C19orf12: variants seen among roughly 807,000 people sequenced by gnomAD.
The protein encoded by C19orf12 is protein C19orf12.
A neutral mutation model predicts 3.8 loss-of-function variants in C19orf12; 2 were observed. That is an observed-to-expected ratio of 0.53 (90% CI 0.22 to 1.66). The LOEUF (loss-of-function observed/expected upper bound fraction) is 1.66. Among genes scored for constraint, C19orf12 ranks in the 40% most tolerant of loss-of-function variants. The pLI, the probability that C19orf12 is intolerant of heterozygous loss-of-function variation, is 0.20. For synonymous variants in C19orf12, 89 were observed against 84.6 expected (o/e 1.05, Z -0.28); for missense variants, 156 against 188.8 (o/e 0.83, Z 1.02).
chr19:29,715,084 G>C (rs1273368218), intron 1 of C19orf12, 41 bp downstream of exon 1: 2 of 597,540 alleles, frequency 3.3e-6, no homozygotes, highest in East Asian at 6.6e-5. Flanking sequence ...GCGGGGCGCG[G>C]CCTGGGAGGC....
At position 29,702,572 on chromosome 19, in the gene C19orf12, C is replaced by T; in HGVS notation, c.*140G>A. 2 of 1,178,764 alleles carry T rather than the reference C, an allele frequency of 1.7e-6. No homozygotes were observed. Among genetic ancestry groups the T allele is most frequent in the Admixed American group, 1.7e-5 (1 of 58,348 alleles). The allele number at this position is 1,178,764 out of a possible 1,614,324, so 73.0% of individuals were successfully genotyped here. A position where few individuals can be genotyped will look rare whatever the true frequency, so the allele number is the denominator to read the frequency against. On this transcript the variant is annotated 3_prime_UTR_variant, in exon 3 of 3. Transcript: ENST00000323670. ...TGACACTGCACAGCGGTGGCCTCTCCAGCGGGACATTACTAGTAATACACT... is the reference window on the plus strand; with the variant it reads ...TGACACTGCACAGCGGTGGCCTCTCTAGCGGGACATTACTAGTAATACACT...
rs1972143567 is a variant in C19orf12, at chr19:29,702,492, C to A, written c.*220G>T. ...GGGGCCAGTCAGAGGGCTGTCATGG[C>A]AGGCCAGTGCACATGCCACCAACAC... On this transcript the variant is annotated 3_prime_UTR_variant, in exon 3 of 3. Coordinates refer to ENST00000323670, the MANE Select transcript of C19orf12 (RefSeq NM_031448.6). 1 of 731,122 alleles carries A rather than the reference C, an allele frequency of 1.4e-6. No homozygotes were observed. The highest frequency in any genetic ancestry group is 2.4e-6 in the Non-Finnish European group (1 of 415,330). The allele number at this position is 731,122 out of a possible 1,614,324, so 45.3% of individuals were successfully genotyped here. A position where few individuals can be genotyped will look rare whatever the true frequency, so the allele number is the denominator to read the frequency against.
At chr19:29,707,785 T>G (rs12974759) in intron 2 of C19orf12, among the ~76,000 whole-genome samples, 25,159 of 152,092 alleles carry the variant, frequency 0.17, 2,330 homozygotes, top group East Asian at 0.29. Context: ...GAGGCATCTT[T>G]AACTCCACCA....
chr19:29,712,043 C>T (rs772986778), intron 1 of C19orf12, among the ~76,000 whole-genome samples: 9 of 152,166 alleles, frequency 5.9e-5, no homozygotes, highest in Non-Finnish European at 1.5e-5. Flanking sequence ...ACACAGAAAG[C>T]GGGTCCCCTG....
chr19:29,711,275 G>T (rs138327526), intron 1 of C19orf12, among the ~76,000 whole-genome samples: 1 of 152,128 alleles, frequency 6.6e-6, no homozygotes, highest in Admixed American at 6.5e-5. Flanking sequence ...CCTGGCCTCA[G>T]GTGATCTGCC....
At position 29,715,115 on chromosome 19, in the gene C19orf12, G is replaced by A. The variant is rs1338289819; in HGVS notation, c.-11+10C>T. ...GAGGCGCCCCGCCCCGGCTCCGGGC[G>A]CTCCTTTACCTGGGGGAGCGGAGGT... is the stretch of plus-strand genomic sequence containing the variant. On this transcript the variant is annotated intron_variant, in intron 1 of 2. Coordinates refer to ENST00000323670, the MANE Select transcript of C19orf12 (RefSeq NM_031448.6). 3 of 607,420 alleles carry A rather than the reference G, an allele frequency of 4.9e-6. No homozygotes were observed. Among genetic ancestry groups the A allele is most frequent in the African/African-American group, 3.9e-5 (2 of 50,892 alleles). 37.6% of individuals were successfully genotyped at this position (607,420 alleles called of 1,614,324 possible).
chr19:29,714,815 A>ACCCCCCCCCC, intron 1 of C19orf12: 4 of 146,400 alleles, frequency 2.7e-5, no homozygotes, highest in Non-Finnish European at 4.2e-5. Flanking sequence ...CACCACCCGC[A>ACCCCCCCCCC]CCCCACCCCC....
Position 29,698,953 on chromosome 19 carries a change from A to G in C19orf12, c.*3759T>C. 1 of 452,422 alleles carries G rather than the reference A, an allele frequency of 2.2e-6. No individual in the cohort carries two copies. Among genetic ancestry groups the G allele is most frequent in the South Asian group, 1.6e-5 (1 of 63,996 alleles). The allele number at this position is 452,422 out of a possible 1,614,324, so 28.0% of individuals were successfully genotyped here. On this transcript the variant is annotated 3_prime_UTR_variant, in exon 3 of 3. Coordinates refer to ENST00000323670, the MANE Select transcript of C19orf12 (RefSeq NM_031448.6). ...AAGACTATATACCAGAATTCAATAA[A>G]GAGAATATTAACACAGTATTACTGT...
In C19orf12 at chr19:29,701,366, C is replaced by T. The variant is rs1360184172; in HGVS notation, c.*1346G>A. The T allele has an allele frequency of 2.2e-6, 1 of 454,018 alleles. No individual in the cohort carries two copies. Among genetic ancestry groups the T allele is most frequent in the Non-Finnish European group, 4.4e-6 (1 of 226,804 alleles). 28.1% of individuals were successfully genotyped at this position (454,018 alleles called of 1,614,324 possible). On this transcript the variant is annotated 3_prime_UTR_variant, in exon 3 of 3. Transcript: ENST00000323670. ...GCGTTTGCACGTAACCTACGCACAC[C>T]TTCCTGTATAATTTAAATCATCTCT... is the stretch of plus-strand genomic sequence containing the variant.
chr19:29,707,845 T>A (rs916340549), intron 2 of C19orf12, among the ~76,000 whole-genome samples: 1 of 151,788 alleles, frequency 6.6e-6, no homozygotes, highest in Non-Finnish European at 1.5e-5. Flanking sequence ...CATTTCTCCC[T>A]GTGTTTCTTT....
rs747900430 is a variant in C19orf12, at chr19:29,702,917, G to A, written c.221C>T (p.Pro74Leu). Residue 74 changes from proline to leucine, a missense_variant, in exon 3 of 3, where the codon CCT becomes CTT. By Grantham distance (98) the Pro-to-Leu change is moderately conservative. Coordinates refer to ENST00000323670, the MANE Select transcript of C19orf12 (RefSeq NM_031448.6). Reference protein sequence around the residue: ...WMTSGQFKPVPQILMELPPAE... With the variant: ...WMTSGQFKPVLQILMELPPAE... ...AGGGGGCAGCTCCATTAGGATCTGA[G>A]GAACCGGCTTAAACTGTCCACTTGT... The A allele has an allele frequency of 6.2e-7, 1 of 1,614,224 alleles. No individual in the cohort carries two copies. Among genetic ancestry groups the A allele is most frequent in the Non-Finnish European group, 8.5e-7 (1 of 1,180,040 alleles).
At chr19:29,714,105 G>A (rs946765681) in intron 1 of C19orf12, among the ~76,000 whole-genome samples, 1 of 152,024 alleles carries the variant, frequency 6.6e-6, no homozygotes, top group Non-Finnish European at 1.5e-5. Context: ...TGCCTAGGCT[G>A]GTCGGGAACT....
rs775974847 is a variant in C19orf12, at chr19:29,701,382, A to AAC, written c.*1329_*1330insGT. ...TACGCACACCTTCCTGTATAATTTA[A>AAC]ATCATCTCTAGATTTCTTATAATAC... On this transcript the variant is annotated 3_prime_UTR_variant, in exon 3 of 3. Transcript: ENST00000323670. The AAC allele has an allele frequency of 7.3e-5, 33 of 454,032 alleles. No homozygotes were observed. The highest frequency in any genetic ancestry group is 5.1e-4 in the South Asian group (33 of 64,480). 28.1% of individuals were successfully genotyped at this position (454,032 alleles called of 1,614,324 possible).
chr19:29,702,663 G>A lies in C19orf12; in HGVS notation c.*49C>T. On this transcript the variant is annotated 3_prime_UTR_variant, in exon 3 of 3. Coordinates refer to ENST00000323670, the MANE Select transcript of C19orf12 (RefSeq NM_031448.6). Reference sequence around the variant, plus strand: ...TCCCAACTCCCAAGCCACCTCTTCAGAATCACAGAGTCATTTAAAGGGGCC... The same window carrying A: ...TCCCAACTCCCAAGCCACCTCTTCAAAATCACAGAGTCATTTAAAGGGGCC... 6 of 1,611,136 alleles carry A rather than the reference G, an allele frequency of 3.7e-6. No individual in the cohort carries two copies. The highest frequency in any genetic ancestry group is 5.1e-6 in the Non-Finnish European group (6 of 1,179,772).
chr19:29,703,242 C>T (rs1300736733), intron 2 of C19orf12, among the ~76,000 whole-genome samples: 1 of 152,194 alleles, frequency 6.6e-6, no homozygotes, highest in Non-Finnish European at 1.5e-5. Flanking sequence ...TGAAGCCTGC[C>T]TGCCCCATCT....
intron 2 of C19orf12, among the ~76,000 whole-genome samples, chr19:29,706,856 A>G (rs900749197): frequency 6.6e-6 from 1 of 152,246 alleles, no homozygotes; most frequent in Non-Finnish European, 1.5e-5. Flanking sequence ...TGGGGAACGG[A>G]AGCCAACCTC....
chr19:29,709,972 A>G (rs1972588979), intron 1 of C19orf12, among the ~76,000 whole-genome samples: 1 of 152,184 alleles, frequency 6.6e-6, no homozygotes, highest in Admixed American at 6.5e-5. Context: ...CCTGGGCTAC[A>G]GTGATCCCCC....
At chr19:29,715,010 G>A in intron 1 of C19orf12, 115 bp downstream of exon 1, 2 of 708,966 alleles carry the variant, frequency 2.8e-6, no homozygotes, top group South Asian at 3.0e-5. Flanking sequence ...CCGGCAGGGC[G>A]GGGACCCTCT....
intron 1 of C19orf12, among the ~76,000 whole-genome samples, chr19:29,712,241 T>TA (rs1417069071): frequency 1.3e-5 from 2 of 151,762 alleles, no homozygotes; most frequent in East Asian, 1.9e-4. Flanking sequence ...CCATCTCTAC[T>TA]AAAAAAATAC....
Sources: gnomAD v4.1 joint callset for allele counts (sites outside exome capture counted in the v4.1 genomes callset) on GRCh38, gnomAD v4.1.1 for gene constraint, MANE v1.5 for transcripts, NCBI Gene and HGNC (gene_info 2026-07-23, HGNC 2026-07-21) for gene names.